ARMH3: variants seen among roughly 807,000 people sequenced by gnomAD.
ARMH3 encodes armadillo like helical domain containing 3.
A neutral mutation model predicts 99.1 loss-of-function variants in ARMH3; 60 were observed. The ratio of observed to expected loss-of-function variants is 0.61; its 90% CI spans 0.49 to 0.75. ARMH3 has a LOEUF of 0.75. Among genes scored for constraint, ARMH3 ranks in the 30% least tolerant of loss-of-function variants. The probability of loss-of-function intolerance (pLI) is 0.00; values close to 1 mark genes in which losing one functional copy is unlikely to be tolerated. For synonymous variants in ARMH3, 285 were observed against 292.8 expected (o/e 0.97, Z 0.27); for missense variants, 679 against 843.1 (o/e 0.81, Z 2.41).
At chr10:101,848,716 G>A (rs967440065) in intron 25 of ARMH3, among the ~76,000 whole-genome samples, 8 of 152,122 alleles carry the variant, frequency 5.3e-5, no homozygotes, top group Non-Finnish European at 8.8e-5. Flanking sequence ...GAGTAAGGCC[G>A]TGGTGAGTGT....
At chr10:102,037,006 C>A (rs1457059953) in intron 2 of ARMH3, among the ~76,000 whole-genome samples, 1 of 151,526 alleles carries the variant, frequency 6.6e-6, no homozygotes, top group Non-Finnish European at 1.5e-5. Flanking sequence ...GAGCCGAGAT[C>A]ACGCCACTGC....
At chr10:101,960,889 C>CAAAA (rs36000408) in intron 20 of ARMH3, among the ~76,000 whole-genome samples, 1 of 74,582 alleles carries the variant, frequency 1.3e-5, no homozygotes, top group Non-Finnish European at 2.5e-5. Flanking sequence ...AACTCCGTCT[C>CAAAA]AAAAAAAAAA....
chr10:101,864,895 T>C (rs2066962453), intron 24 of ARMH3, among the ~76,000 whole-genome samples: 2 of 145,460 alleles, frequency 1.4e-5, no homozygotes, highest in South Asian at 2.2e-4. Context: ...TTTAAAAAAA[T>C]CAGGACTTTA....
chr10:101,915,351 TG>T (rs1590015744), intron 23 of ARMH3, among the ~76,000 whole-genome samples: 1 of 152,346 alleles, frequency 6.6e-6, no homozygotes, highest in East Asian at 1.9e-4. Flanking sequence ...GTAACCTACC[TG>T]GTCTGAGACA....
intron 8 of ARMH3, among the ~76,000 whole-genome samples, chr10:102,021,779 C>T (rs1310123462): frequency 6.6e-6 from 1 of 152,142 alleles, no homozygotes; most frequent in Non-Finnish European, 1.5e-5. Flanking sequence ...ATCTCCCAAC[C>T]TCGTGATCCA....
At chr10:102,046,860 A>G (rs1186304001) in intron 1 of ARMH3, among the ~76,000 whole-genome samples, 2 of 152,188 alleles carry the variant, frequency 1.3e-5, no homozygotes, top group Non-Finnish European at 2.9e-5. Flanking sequence ...CTAGGTGAGT[A>G]AGGGGGAGTA....
At chr10:101,991,435 C>T (rs1321525653) in intron 18 of ARMH3, among the ~76,000 whole-genome samples, 1 of 152,036 alleles carries the variant, frequency 6.6e-6, no homozygotes, top group Non-Finnish European at 1.5e-5. Context: ...AGCTGGAGTG[C>T]AATGCCGTGA....
intron 22 of ARMH3, among the ~76,000 whole-genome samples, chr10:101,945,330 C>G (rs572177738): frequency 6.6e-6 from 1 of 152,248 alleles, no homozygotes; most frequent in East Asian, 1.9e-4. Context: ...GCCTGCCATC[C>G]CAACACTCTG....
chr10:102,055,131 G>A (rs2067809024), intron 1 of ARMH3, among the ~76,000 whole-genome samples: 1 of 151,684 alleles, frequency 6.6e-6, no homozygotes, highest in South Asian at 2.1e-4. Context: ...AGACCAGCCT[G>A]ACCAACATGG....
intron 23 of ARMH3, among the ~76,000 whole-genome samples, chr10:101,925,636 G>A (rs1334075698): frequency 1.3e-5 from 2 of 152,198 alleles, no homozygotes; most frequent in African/African-American, 2.4e-5. Flanking sequence ...CGGGCTGGGG[G>A]CCGTGGCTCA....
intron 19 of ARMH3, among the ~76,000 whole-genome samples, chr10:101,983,182 G>A (rs942281427): frequency 6.6e-6 from 1 of 152,216 alleles, no homozygotes; most frequent in East Asian, 1.9e-4. Flanking sequence ...GGAGACCAAG[G>A]CATGATTAGC....
At chr10:102,023,423 G>C (rs1359390867) in intron 8 of ARMH3, 54 bp downstream of exon 8, 1 of 1,483,582 alleles carries the variant, frequency 6.7e-7, no homozygotes, top group Non-Finnish European at 9.3e-7. Flanking sequence ...AGGAGGGGCC[G>C]CATTTAAGAA....
chr10:102,037,962 C>A (rs530703404), intron 2 of ARMH3, among the ~76,000 whole-genome samples: 1 of 152,040 alleles, frequency 6.6e-6, no homozygotes, highest in Non-Finnish European at 1.5e-5. Context: ...GACCCTCACA[C>A]TTCTGTAATA....
chr10:101,875,241 A>C (rs573908093), intron 24 of ARMH3, among the ~76,000 whole-genome samples: 1 of 152,226 alleles, frequency 6.6e-6, no homozygotes, highest in African/African-American at 2.4e-5. Context: ...TGAAAAAAAA[A>C]AAATAGCCAA....
At chr10:101,904,496 A>T (rs565277330) in intron 23 of ARMH3, among the ~76,000 whole-genome samples, 3 of 152,320 alleles carry the variant, frequency 2.0e-5, no homozygotes, top group African/African-American at 7.2e-5. Flanking sequence ...TGTTACTTAA[A>T]AAAAGAAAGA....
intron 23 of ARMH3, among the ~76,000 whole-genome samples, chr10:101,890,806 T>C (rs1589973254): frequency 6.6e-6 from 1 of 152,160 alleles, no homozygotes; most frequent in African/African-American, 2.4e-5. Context: ...GAAGGGCACT[T>C]AATATCTCAA....
At chr10:102,034,788 A>C (rs2067210618) in intron 2 of ARMH3, among the ~76,000 whole-genome samples, 1 of 149,974 alleles carries the variant, frequency 6.7e-6, no homozygotes, top group African/African-American at 2.5e-5. Flanking sequence ...CATGCCTGTA[A>C]TCCCAGCTAC....
At chr10:101,918,394 A>G (rs1843172251) in intron 23 of ARMH3, among the ~76,000 whole-genome samples, 1 of 152,166 alleles carries the variant, frequency 6.6e-6, no homozygotes, top group Admixed American at 6.5e-5. Context: ...AAAACCAAAC[A>G]GAGCTTTCCC....
intron 21 of ARMH3, 139 bp from the exon 22 acceptor site, chr10:101,956,862 AAC>A: frequency 1.5e-6 from 1 of 679,390 alleles, no homozygotes; most frequent in Non-Finnish European, 2.1e-6. Context: ...CCAGTTGTTA[AAC>A]ACAGCCATTA....
Sources: gnomAD v4.1 joint callset for allele counts (sites outside exome capture counted in the v4.1 genomes callset) on GRCh38, gnomAD v4.1.1 for gene constraint, MANE v1.5 for transcripts, NCBI Gene and HGNC (gene_info 2026-07-23, HGNC 2026-07-21) for gene names.